The following CAPN8 variants were observed in gnomAD, a reference collection of about 807,000 sequenced individuals.
CAPN8 encodes the protein calpain 8.
A neutral mutation model predicts 80.9 loss-of-function variants in CAPN8; 87 were observed. That is an observed-to-expected ratio of 1.07 (90% CI 0.90 to 1.28). CAPN8 has a LOEUF of 1.28. CAPN8 is among the 50% of genes most tolerant of loss of function. The probability of loss-of-function intolerance (pLI) is 0.00; values close to 1 mark genes in which losing one functional copy is unlikely to be tolerated. For synonymous variants in CAPN8, 299 were observed against 273.8 expected (o/e 1.09, Z -0.91); for missense variants, 757 against 702.0 (o/e 1.08, Z -0.89).
intron 1 of CAPN8, among the ~76,000 whole-genome samples, chr1:223,664,319 A>G (rs1211338342): frequency 6.6e-6 from 1 of 152,216 alleles, no homozygotes; most frequent in Non-Finnish European, 1.5e-5. Context: ...CCTTTCAGCA[A>G]TGATGTTGTC....
chr1:223,611,177 A>G (rs1657021693), intron 11 of CAPN8, among the ~76,000 whole-genome samples: 1 of 152,174 alleles, frequency 6.6e-6, no homozygotes, highest in African/African-American at 2.4e-5. Context: ...GACTTAAATC[A>G]GCTTTGGTTT....
At chr1:223,620,297 C>G in intron 7 of CAPN8, 31 bp from the exon 8 acceptor site, 1 of 1,541,764 alleles carries the variant, frequency 6.5e-7, no homozygotes, top group East Asian at 2.4e-5. Context: ...GATGCTCGCT[C>G]CTGAGAGGTT....
At position 223,627,992 on chromosome 1, in the gene CAPN8, T is replaced by C. The variant is rs1286717709; in HGVS notation, c.560+17A>G. The C allele has an allele frequency of 6.6e-7, 1 of 1,523,060 alleles. No homozygotes were observed. Among genetic ancestry groups the C allele is most frequent in the South Asian group, 1.2e-5 (1 of 81,278 alleles). 94.3% of individuals were successfully genotyped at this position (1,523,060 alleles called of 1,614,324 possible). A position where few individuals can be genotyped will look rare whatever the true frequency, so the allele number is the denominator to read the frequency against. Reference sequence around the variant, plus strand: ...GGAGGCTCTGGCGTCTCCCAGCTCCTGGCTTCCCCCACTTACTTGGCATAG... The same window carrying C: ...GGAGGCTCTGGCGTCTCCCAGCTCCCGGCTTCCCCCACTTACTTGGCATAG... On this transcript the variant is annotated intron_variant, in intron 4 of 20. Transcript: ENST00000366872.
At position 223,549,391 on chromosome 1, in the gene CAPN8, T is replaced by G. The variant is rs1167493827; in HGVS notation, c.1700-9A>C. 3 of 1,551,738 alleles carry G rather than the reference T, an allele frequency of 1.9e-6. No individual in the cohort carries two copies. Among genetic ancestry groups the G allele is most frequent in the Non-Finnish European group, 2.6e-6 (3 of 1,147,020 alleles). On this transcript the variant is annotated splice_polypyrimidine_tract_variant and intron_variant, in intron 15 of 20. Coordinates refer to ENST00000366872, the MANE Select transcript of CAPN8 (RefSeq NM_001143962.2). ...GAATTTTATGTCTGTTCCTAAAGAT[T>G]TAAATAGAAAAGGGGAGTGGGAATC... is the stretch of plus-strand genomic sequence containing the variant.
At chr1:223,554,789 AC>A (rs1415423964) in intron 13 of CAPN8, among the ~76,000 whole-genome samples, 1 of 152,182 alleles carries the variant, frequency 6.6e-6, no homozygotes, top group African/African-American at 2.4e-5. Flanking sequence ...ATTTAACCAG[AC>A]CATTTTCATG....
intron 1 of CAPN8, among the ~76,000 whole-genome samples, chr1:223,656,882 C>T (rs945924207): frequency 9.2e-5 from 14 of 152,008 alleles, no homozygotes; most frequent in Middle Eastern, 3.4e-3. Flanking sequence ...GATGGGGTTT[C>T]GCCTTGTTAA....
intron 2 of CAPN8, among the ~76,000 whole-genome samples, chr1:223,643,356 T>C (rs1200019966): frequency 6.6e-6 from 1 of 152,154 alleles, no homozygotes; most frequent in Admixed American, 6.5e-5. Flanking sequence ...TTAAAGTGCA[T>C]CAAATATTCA....
rs1282446466 is a variant in CAPN8 at position 223,541,813 on chromosome 1, T to C, written c.*23A>G. 8.4e-6 allele frequency: 13 copies of C among 1,551,340 alleles called. No homozygotes were observed. The highest frequency in any genetic ancestry group is 9.6e-6 in the Non-Finnish European group (11 of 1,146,920). ...GAAGCAAGCAGTGGGGCAGGGAGTG[T>C]CACTGATGTCCGAAACCCCGGGTCA... On this transcript the variant is annotated 3_prime_UTR_variant, in exon 21 of 21. Coordinates refer to ENST00000366872, the MANE Select transcript of CAPN8 (RefSeq NM_001143962.2).
intron 10 of CAPN8, among the ~76,000 whole-genome samples, chr1:223,614,991 G>A (rs140130378): frequency 7.2e-5 from 11 of 152,258 alleles, no homozygotes; most frequent in East Asian, 1.9e-4. Context: ...AAATATACTC[G>A]CATGCTCGTG....
intron 2 of CAPN8, among the ~76,000 whole-genome samples, chr1:223,644,949 T>C (rs1658147649): frequency 6.6e-6 from 1 of 152,174 alleles, no homozygotes; most frequent in African/African-American, 2.4e-5. Flanking sequence ...AAAGGGAGTT[T>C]ATTAAGGAGT....
chr1:223,544,141 C>A lies in CAPN8; in HGVS notation c.1955G>T (p.Arg652Leu). ...GATGCCAAGCTTGCTGCACGCATAC[C>A]GCAGGGCAATGGTCTGCTGCACCTG... is the stretch of plus-strand genomic sequence containing the variant. Reference protein sequence around the residue: ...NSQVQQTIALRYACSKLGINF... With the variant: ...NSQVQQTIALLYACSKLGINF... The change falls in exon 19 of 21, where the codon CGG (arginine) becomes CTG (leucine). Residue 652 changes from arginine (R) to leucine (L), a missense_variant. Physicochemically the swap from Arg to Leu is moderately radical, Grantham distance 102. Transcript: ENST00000366872. 2.8e-6 allele frequency: 2 copies of A among 718,320 alleles called. No homozygotes were observed. The highest frequency in any genetic ancestry group is 1.5e-5 in the South Asian group (1 of 67,604). 44.5% of individuals were successfully genotyped at this position (718,320 alleles called of 1,614,324 possible). A position where few individuals can be genotyped will look rare whatever the true frequency, so the allele number is the denominator to read the frequency against.
chr1:223,552,576 A>C (rs1298277611), intron 14 of CAPN8, among the ~76,000 whole-genome samples: 1 of 151,460 alleles, frequency 6.6e-6, no homozygotes, highest in Non-Finnish European at 1.5e-5. Context: ...AAAAAAAAAA[A>C]AAAAAGACTT....
Position 223,609,307 on chromosome 1 carries a change from A to G in CAPN8, c.1381T>C (p.Ser461Pro), listed in dbSNP as rs1489810711. The G allele has an allele frequency of 5.0e-6, 2 of 398,422 alleles. No individual in the cohort carries two copies. Among genetic ancestry groups the G allele is most frequent in the Non-Finnish European group, 8.8e-6 (2 of 226,050 alleles). The allele number at this position is 398,422 out of a possible 1,614,324, so 24.7% of individuals were successfully genotyped here. A position where few individuals can be genotyped will look rare whatever the true frequency, so the allele number is the denominator to read the frequency against. Residue 461 changes from serine (S) to proline (P), a missense_variant, in exon 12 of 21, where the codon TCA becomes CCA. By Grantham distance (74) the Ser-to-Pro change is moderately conservative (BLOSUM62 -1). Transcript: ENST00000366872. Reference protein sequence around the residue: ...GRDFFLAYQPSARTSTYVNLR... With the variant: ...GRDFFLAYQPPARTSTYVNLR... ...TTGACGTAGGTGCTGGTGCGGGCTG[A>G]GGGCTGGTAGGCCAGGAAGAAATCC...
intron 8 of CAPN8, 27 bp downstream of exon 8, chr1:223,620,165 C>T (rs761630118): frequency 6.5e-7 from 1 of 1,546,872 alleles, no homozygotes; most frequent in South Asian, 1.2e-5. Context: ...ACCAATGGGA[C>T]AGCGCTTCAG....
At position 223,541,705 on chromosome 1, in the gene CAPN8, G is replaced by A. The variant is rs554079028; in HGVS notation, c.*131C>T. Reference sequence around the variant, plus strand: ...CTCATAGCTCAGTGCTGCTGAAATAGACCCAGGGCAAGAAAGGTATGAACA... The same window carrying A: ...CTCATAGCTCAGTGCTGCTGAAATAAACCCAGGGCAAGAAAGGTATGAACA... On this transcript the variant is annotated 3_prime_UTR_variant, in exon 21 of 21. Coordinates refer to ENST00000366872, the MANE Select transcript of CAPN8 (RefSeq NM_001143962.2). 1 of 1,434,154 alleles carries A rather than the reference G, an allele frequency of 7.0e-7. No individual in the cohort carries two copies. The highest frequency in any genetic ancestry group is 2.0e-5 in the Admixed American group (1 of 50,756). 88.8% of individuals were successfully genotyped at this position (1,434,154 alleles called of 1,614,324 possible).
At position 223,620,538 on chromosome 1, in the gene CAPN8, CT is replaced by C. The variant is rs766118824; in HGVS notation, c.900-273del. On this transcript the variant is annotated intron_variant, in intron 7 of 20. Coordinates refer to ENST00000366872, the MANE Select transcript of CAPN8 (RefSeq NM_001143962.2). ...CAAACATTATGCTCTAATTTTTACT[CT>C]CTAGGGCAAATTTGACATTTCTAAT... is the stretch of plus-strand genomic sequence containing the variant. 1.4e-3 allele frequency among the ~76,000 whole-genome samples: 213 copies of C among 152,270 alleles called. 2 individuals carry two copies. The highest frequency in any genetic ancestry group is 7.7e-4 in the East Asian group (4 of 5,170).
At chr1:223,661,603 C>A (rs1160773101) in intron 1 of CAPN8, among the ~76,000 whole-genome samples, 1 of 152,104 alleles carries the variant, frequency 6.6e-6, no homozygotes, top group African/African-American at 2.4e-5. Flanking sequence ...GTACTCCGGC[C>A]TGGGTGACAA....
chr1:223,621,131 A>G (rs373106056), intron 7 of CAPN8, among the ~76,000 whole-genome samples: 23 of 152,314 alleles, frequency 1.5e-4, no homozygotes, highest in African/African-American at 5.5e-4. Context: ...CAATTCATTG[A>G]AACATTAATT....
chr1:223,656,600 T>C (rs1658495223), intron 1 of CAPN8, among the ~76,000 whole-genome samples: 1 of 151,970 alleles, frequency 6.6e-6, no homozygotes, highest in Non-Finnish European at 1.5e-5. Flanking sequence ...TGGTAGCATT[T>C]CTTAAGTGTC....
Sources: allele counts gnomAD v4.1 joint callset (sites outside exome capture counted in the v4.1 genomes callset), GRCh38; gene constraint gnomAD v4.1.1; transcripts MANE v1.5; gene names NCBI Gene and HGNC (gene_info 2026-07-23, HGNC 2026-07-21).